KIF1B: variants seen among roughly 807,000 people sequenced by gnomAD.
The protein encoded by KIF1B is kinesin-like protein KIF1B.
KIF1B carries 76 observed loss-of-function variants against 241.9 expected under a neutral mutation model. The observed-to-expected ratio is 0.31, with a 90% CI of 0.26 to 0.38. KIF1B has a LOEUF of 0.38. Ranked by LOEUF, KIF1B falls within the 10% of genes least tolerant of loss-of-function variation. The pLI is 1.00. For synonymous variants in KIF1B, 750 were observed against 796.7 expected (o/e 0.94, Z 0.99); for missense variants, 1,622 against 2,271.4 (o/e 0.71, Z 5.81).
chr1:10,306,750 C>A, intron 22 of KIF1B: 1 of 823,446 alleles, frequency 1.2e-6, no homozygotes, highest in Non-Finnish European at 1.4e-6. Context: ...GAGTGAGAAC[C>A]TGTCTTTAAA....
At chr1:10,220,950 A>G (rs963568126) in intron 1 of KIF1B, among the ~76,000 whole-genome samples, 25 of 152,026 alleles carry the variant, frequency 1.6e-4, no homozygotes, top group African/African-American at 5.6e-4. Context: ...GGCATGTGCC[A>G]CTGTGCCTAG....
At chr1:10,263,940 A>C (rs1648300782) in intron 5 of KIF1B, among the ~76,000 whole-genome samples, 1 of 152,160 alleles carries the variant, frequency 6.6e-6, no homozygotes, top group Admixed American at 6.5e-5. Context: ...TACCAGAAAC[A>C]TTCCTGCTTC....
chr1:10,357,448 C>T (rs1032398305), intron 38 of KIF1B, among the ~76,000 whole-genome samples: 1 of 152,178 alleles, frequency 6.6e-6, no homozygotes, highest in South Asian at 2.1e-4. Context: ...AACCACCTCT[C>T]AAGAATTGCC....
At chr1:10,356,467 C>T (rs865880797) in intron 38 of KIF1B, among the ~76,000 whole-genome samples, 1 of 152,140 alleles carries the variant, frequency 6.6e-6, no homozygotes, top group African/African-American at 2.4e-5. Context: ...TTCAGAGATT[C>T]TCCTAATGAA....
intron 22 of KIF1B, among the ~76,000 whole-genome samples, chr1:10,313,827 G>T (rs1260546299): frequency 6.6e-6 from 1 of 151,454 alleles, no homozygotes; most frequent in African/African-American, 2.5e-5. Flanking sequence ...TGAGATTACA[G>T]GCGTGAGCCA....
intron 1 of KIF1B, among the ~76,000 whole-genome samples, chr1:10,226,784 T>C (rs1404252492): frequency 6.6e-6 from 1 of 151,702 alleles, no homozygotes; most frequent in African/African-American, 2.4e-5. Context: ...CTGGGCAACA[T>C]AGCGAAACCC....
chr1:10,320,693 T>C (rs1651485695), intron 23 of KIF1B, among the ~76,000 whole-genome samples: 1 of 151,252 alleles, frequency 6.6e-6, no homozygotes, highest in Non-Finnish European at 1.5e-5. Flanking sequence ...TTGAAGGAAC[T>C]CTTAATTTAT....
chr1:10,372,052 T>G (rs1010997499), intron 45 of KIF1B, among the ~76,000 whole-genome samples: 2 of 152,200 alleles, frequency 1.3e-5, no homozygotes, highest in Admixed American at 1.3e-4. Context: ...CTGGTTATCA[T>G]CCACCTGTCT....
At chr1:10,375,963 A>ATT (rs530621079) in intron 48 of KIF1B, among the ~76,000 whole-genome samples, 3 of 139,916 alleles carry the variant, frequency 2.1e-5, no homozygotes, top group South Asian at 2.3e-4. Flanking sequence ...CACCCAGCTA[A>ATT]TTTTTTTTTT....
chr1:10,339,986 C>A (rs893465072), intron 32 of KIF1B, 127 bp downstream of exon 32: 1 of 816,190 alleles, frequency 1.2e-6, no homozygotes, highest in Non-Finnish European at 2.1e-6. Flanking sequence ...CAATAGAGGG[C>A]GTGGCTAGAG....
At chr1:10,305,906 T>C in intron 22 of KIF1B, 1 of 1,053,356 alleles carries the variant, frequency 9.5e-7, no homozygotes. Flanking sequence ...TTGCCTGACT[T>C]CATGTTTTGG....
intron 15 of KIF1B, among the ~76,000 whole-genome samples, chr1:10,286,092 T>C (rs903610197): frequency 5.3e-5 from 8 of 151,790 alleles, no homozygotes; most frequent in Admixed American, 3.9e-4. Flanking sequence ...CAGGCTGGAG[T>C]GCAGTGACGC....
In KIF1B at chr1:10,376,541, A is replaced by G. The variant is rs904332359; in HGVS notation, c.5409-4A>G. ...AATCCTACCTCCCCGTTTGTCCCCC[A>G]TAGGTCAAAGCTTTCCCGCAGATGC... On this transcript the variant is annotated splice_polypyrimidine_tract_variant and splice_region_variant and intron_variant, in intron 48 of 48. Coordinates refer to ENST00000676179, the MANE Select transcript of KIF1B (RefSeq NM_001365951.3). The G allele has an allele frequency of 3.1e-6, 5 of 1,613,968 alleles. No homozygotes were observed. The highest frequency in any genetic ancestry group is 2.2e-5 in the East Asian group (1 of 44,880).
At chr1:10,245,047 A>G (rs974017276) in intron 2 of KIF1B, among the ~76,000 whole-genome samples, 2 of 152,250 alleles carry the variant, frequency 1.3e-5, no homozygotes, top group Non-Finnish European at 2.9e-5. Flanking sequence ...TGCCACACAG[A>G]TAACATCAAT....
intron 28 of KIF1B, among the ~76,000 whole-genome samples, chr1:10,336,222 C>A (rs965865188): frequency 6.6e-6 from 1 of 152,198 alleles, no homozygotes; most frequent in African/African-American, 2.4e-5. Flanking sequence ...AATCTCGGCT[C>A]ACTGCAACCT....
At chr1:10,211,319 C>T (rs1442594268) in intron 1 of KIF1B, among the ~76,000 whole-genome samples, 2 of 152,218 alleles carry the variant, frequency 1.3e-5, no homozygotes, top group Admixed American at 6.5e-5. Context: ...TGTGGTTATG[C>T]CCTTTGCCAG....
chr1:10,348,734 G>T lies in KIF1B; in HGVS notation c.3949+1G>T. 1 of 1,612,018 alleles carries T rather than the reference G, an allele frequency of 6.2e-7. No homozygotes were observed. On this transcript the variant is annotated splice_donor_variant, in intron 37 of 48. Coordinates refer to ENST00000676179, the MANE Select transcript of KIF1B (RefSeq NM_001365951.3). LOFTEE classifies it high-confidence loss of function. ...AAAGATGTTCGTGAACTGGTGGTAG[G>T]TGAGTACGTTTCATCAGCCAAGGAT...
In KIF1B at chr1:10,377,764, C is replaced by G. The variant is rs891171052; in HGVS notation, c.*1177C>G. ...CCAGCCTGGCCAATATGATGAAACCCCGTCTCTACTAAAAATACAAAATTA... is the reference window on the plus strand; with the variant it reads ...CCAGCCTGGCCAATATGATGAAACCGCGTCTCTACTAAAAATACAAAATTA... On this transcript the variant is annotated 3_prime_UTR_variant, in exon 49 of 49. Coordinates refer to ENST00000676179, the MANE Select transcript of KIF1B (RefSeq NM_001365951.3). The G allele has an allele frequency of 5.4e-6, 1 of 184,294 alleles. No individual in the cohort carries two copies. The highest frequency in any genetic ancestry group is 6.2e-5 in the Admixed American group (1 of 16,042). 11.4% of individuals were successfully genotyped at this position (184,294 alleles called of 1,614,324 possible).
chr1:10,321,251 G>T (rs1651512271), intron 23 of KIF1B, among the ~76,000 whole-genome samples: 1 of 151,728 alleles, frequency 6.6e-6, no homozygotes, highest in Non-Finnish European at 1.5e-5. Flanking sequence ...CTACAGGTGT[G>T]TGCCACCACG....
Sources: gnomAD v4.1 joint callset for allele counts (sites outside exome capture counted in the v4.1 genomes callset) on GRCh38, gnomAD v4.1.1 for gene constraint, MANE v1.5 for transcripts, NCBI Gene and HGNC (gene_info 2026-07-23, HGNC 2026-07-21) for gene names.